The following AAMDC variants were observed in gnomAD, a reference collection of about 807,000 sequenced individuals.
AAMDC encodes the protein mth938 domain-containing protein.
In AAMDC, 16 loss-of-function variants were observed where a neutral mutation model predicts 15.5. The ratio of observed to expected loss-of-function variants is 1.03; its 90% confidence interval spans 0.70 to 1.57. The LOEUF (loss-of-function observed/expected upper bound fraction) is 1.57, where lower values mean the gene tolerates loss of function less well. AAMDC is among the 40% of genes most tolerant of loss of function. The probability of loss-of-function intolerance (pLI) is 0.00; values close to 1 mark genes in which losing one functional copy is unlikely to be tolerated. For synonymous variants in AAMDC, 51 were observed against 51.6 expected, an observed-to-expected ratio of 0.99 and a Z score of 0.05; for missense variants, 141 against 144.9, an observed-to-expected ratio of 0.97 and a Z score of 0.14.
intron 1 of AAMDC, among the ~76,000 whole-genome samples, chr11:77,834,335 A>G (rs1949581565): frequency 6.6e-6 from 1 of 152,158 alleles, no homozygotes; most frequent in Non-Finnish European, 1.5e-5. Flanking sequence ...TAAACACATA[A>G]TGAAGATCAG....
At chr11:77,842,768 T>C in intron 2 of AAMDC, 140 bp downstream of exon 2, 6 of 1,207,034 alleles carry the variant, frequency 5.0e-6, no homozygotes, top group Non-Finnish European at 5.8e-6. Flanking sequence ...ATTCACCCTT[T>C]TAAAGTATGC....
At chr11:77,883,438 G>A (rs1467211477) in intron 5 of AAMDC, among the ~76,000 whole-genome samples, 2 of 152,166 alleles carry the variant, frequency 1.3e-5, no homozygotes, top group African/African-American at 4.8e-5. Flanking sequence ...TTTGTAGGTT[G>A]AGAATTATTA....
chr11:77,876,877 C>T (rs1426693800), downstream of AAMDC: 9 of 660,666 alleles, frequency 1.4e-5, no homozygotes, highest in East Asian at 1.9e-4. Flanking sequence ...CATATTCTTC[C>T]CTTAGAAGGT....
At chr11:77,905,449 ACT>A (rs1384546508), downstream of AAMDC, among the ~76,000 whole-genome samples, 1 of 149,384 alleles carries the variant, frequency 6.7e-6, no homozygotes, top group Non-Finnish European at 1.5e-5. Flanking sequence ...ATAAGCTGAG[ACT>A]CTGTCTCAAA....
chr11:77,865,801 T>G (rs141393940), intron 2 of AAMDC, among the ~76,000 whole-genome samples: 342 of 152,342 alleles, frequency 2.2e-3, no homozygotes, highest in African/African-American at 7.4e-3. Context: ...TTGTATGAAA[T>G]GTTTCCTCTA....
At chr11:77,886,513 C>T (rs1250499882) in intron 5 of AAMDC, among the ~76,000 whole-genome samples, 1 of 152,176 alleles carries the variant, frequency 6.6e-6, no homozygotes, top group Non-Finnish European at 1.5e-5. Flanking sequence ...CAATGAAGCA[C>T]GGGTAAACGG....
downstream of AAMDC, among the ~76,000 whole-genome samples, chr11:77,902,633 G>A (rs1183833640): frequency 1.3e-5 from 2 of 152,140 alleles, no homozygotes; most frequent in African/African-American, 4.8e-5. Context: ...TATTATGAGG[G>A]TTAATTAAGC....
intron 5 of AAMDC, among the ~76,000 whole-genome samples, chr11:77,877,771 TGGGG>T (rs1324921172): frequency 2.6e-5 from 4 of 151,700 alleles, no homozygotes; most frequent in Non-Finnish European, 5.9e-5. Flanking sequence ...TAAACAGAGA[TGGGG>T]TCTCGCTATG....
At chr11:77,901,300 C>T, downstream of AAMDC, 1 of 1,016,928 alleles carries the variant, frequency 9.8e-7, no homozygotes, top group Non-Finnish European at 1.5e-6. Context: ...ATCACACATT[C>T]CTTAGCTAGT....
At position 77,869,825 on chromosome 11, in the gene AAMDC, T is replaced by C. The variant is rs371553919; in HGVS notation, c.228+8T>C. On this transcript the variant is annotated splice_region_variant and intron_variant, in intron 3 of 3. Transcript: ENST00000393427. ...ATGAGTGAGGCCTTGAAGGTAGGTG[T>C]TGGTATGCACAGCATTCCTGAGGAC... is the stretch of plus-strand genomic sequence containing the variant. 1.7e-5 allele frequency: 28 copies of C among 1,612,766 alleles called. No homozygotes were observed. Among genetic ancestry groups the C allele is most frequent in the Non-Finnish European group, 2.3e-5 (27 of 1,179,038 alleles).
chr11:77,865,121 C>G (rs1951052156), intron 2 of AAMDC, among the ~76,000 whole-genome samples: 1 of 152,174 alleles, frequency 6.6e-6, no homozygotes, highest in Non-Finnish European at 1.5e-5. Flanking sequence ...GACACAGTGT[C>G]TAATGTGGTT....
At chr11:77,852,129 G>A (rs1171312222) in intron 2 of AAMDC, among the ~76,000 whole-genome samples, 3 of 149,816 alleles carry the variant, frequency 2.0e-5, no homozygotes, top group Non-Finnish European at 4.4e-5. Context: ...CACTTTGGGA[G>A]GACGAGGGAC....
At chr11:77,871,450 G>A (rs1194176184) in intron 3 of AAMDC, among the ~76,000 whole-genome samples, 2 of 152,174 alleles carry the variant, frequency 1.3e-5, no homozygotes, top group African/African-American at 4.8e-5. Flanking sequence ...GCCCCTCATG[G>A]ATAATAAAAA....
At chr11:77,898,663 T>C (rs1187775706) in intron 5 of AAMDC, among the ~76,000 whole-genome samples, 2 of 152,208 alleles carry the variant, frequency 1.3e-5, no homozygotes, top group Non-Finnish European at 2.9e-5. Context: ...CTAAAACTAA[T>C]ATTAGTTAAC....
chr11:77,840,533 G>GA lies in AAMDC; in HGVS notation c.-18-1938dup, dbSNP rs543455484. 4.4e-4 allele frequency among the ~76,000 whole-genome samples: 67 copies of GA among 150,922 alleles called. No individual in the cohort carries two copies. In the East Asian group the frequency reaches 0.011, roughly 24 times the overall value. On this transcript the variant is annotated intron_variant, in intron 1 of 3. Coordinates refer to ENST00000393427, the MANE Select transcript of AAMDC (RefSeq NM_024684.4). ...AACAGAGCCAGACTCCATCTCAAAAGAAAAAAAAGTGTTTAATGTATTTCT... is the reference window on the plus strand; with the variant it reads ...AACAGAGCCAGACTCCATCTCAAAAGAAAAAAAAAGTGTTTAATGTATTTCT...
At chr11:77,839,597 A>G (rs1292380985) in intron 1 of AAMDC, among the ~76,000 whole-genome samples, 1 of 152,236 alleles carries the variant, frequency 6.6e-6, no homozygotes, top group African/African-American at 2.4e-5. Context: ...AGACTGGATA[A>G]AGAAAATATG....
At chr11:77,826,847 G>A (rs1211943903) in intron 1 of AAMDC, among the ~76,000 whole-genome samples, 3 of 152,206 alleles carry the variant, frequency 2.0e-5, no homozygotes. Context: ...GCTCATGCCT[G>A]TAATCCCAGC....
At chr11:77,834,441 G>GTTTTTTTTTTTTTT (rs11438814) in intron 1 of AAMDC, among the ~76,000 whole-genome samples, 2 of 105,548 alleles carry the variant, frequency 1.9e-5, no homozygotes, top group Non-Finnish European at 3.7e-5. Context: ...AGTTGATTTT[G>GTTTTTTTTTTTTTT]TTTTTTTTTT....
At chr11:77,904,390 CTAAGT>C (rs1436210611), downstream of AAMDC, among the ~76,000 whole-genome samples, 3 of 152,164 alleles carry the variant, frequency 2.0e-5, no homozygotes, top group South Asian at 2.1e-4. Flanking sequence ...GATACAAAGA[CTAAGT>C]TAATTTTTTA....
Sources: allele counts gnomAD v4.1 joint callset (sites outside exome capture counted in the v4.1 genomes callset), GRCh38; gene constraint gnomAD v4.1.1; transcripts MANE v1.5; gene names NCBI Gene and HGNC (gene_info 2026-07-23, HGNC 2026-07-21).